ARHGAP20: variants seen among roughly 807,000 people sequenced by gnomAD.
ARHGAP20 encodes rho GTPase-activating protein 20.
Under a neutral mutation model 73.7 loss-of-function variants are expected in ARHGAP20, and 34 were observed. That is an observed-to-expected ratio of 0.46 (90% CI 0.35 to 0.61). ARHGAP20 has a LOEUF of 0.61. Ranked by LOEUF, ARHGAP20 falls within the 20% of genes least tolerant of loss-of-function variation. The pLI, the probability that ARHGAP20 is intolerant of heterozygous loss-of-function variation, is 0.00. For synonymous variants in ARHGAP20, 523 were observed against 518.2 expected, an observed-to-expected ratio of 1.01 and a Z score of -0.13; for missense variants, 1,314 against 1,420.9, an observed-to-expected ratio of 0.92 and a Z score of 1.21.
At chr11:110,682,587 C>T (rs1025566511) in intron 2 of ARHGAP20, among the ~76,000 whole-genome samples, 5 of 152,110 alleles carry the variant, frequency 3.3e-5, no homozygotes, top group Non-Finnish European at 5.9e-5. Context: ...TCAATTTCTG[C>T]TACTTAATGA....
At chr11:110,644,634 TA>T (rs1263345607) in intron 2 of ARHGAP20, among the ~76,000 whole-genome samples, 3 of 152,004 alleles carry the variant, frequency 2.0e-5, no homozygotes, top group Non-Finnish European at 4.4e-5. Flanking sequence ...TATCTCCCTA[TA>T]AAAAAATTAA....
chr11:110,681,870 T>C (rs894852318), intron 2 of ARHGAP20, among the ~76,000 whole-genome samples: 2 of 152,170 alleles, frequency 1.3e-5, no homozygotes. Flanking sequence ...CAATTCTATA[T>C]GTACCTAATC....
chr11:110,699,204 G>A (rs994428525), intron 1 of ARHGAP20, among the ~76,000 whole-genome samples: 1 of 151,802 alleles, frequency 6.6e-6, no homozygotes, highest in Non-Finnish European at 1.5e-5. Flanking sequence ...TTTCCATGTA[G>A]TGTGTGTTTA....
chr11:110,583,484 C>A, intron 13 of ARHGAP20, 64 bp downstream of exon 13: 2 of 1,363,208 alleles, frequency 1.5e-6, no homozygotes, highest in South Asian at 1.6e-5. Flanking sequence ...TTAGAATACC[C>A]CAAATTTCAG....
Position 110,611,319 on chromosome 11 carries a change from A to G in ARHGAP20, c.698T>C (p.Leu233Pro). 6.4e-7 allele frequency: 1 copy of G among 1,557,804 alleles called. No individual in the cohort carries two copies. The highest frequency in any genetic ancestry group is 2.3e-5 in the East Asian group (1 of 42,636). Residue 233 changes from leucine to proline, a missense_variant, in exon 7 of 15, where the codon CTA (leucine) becomes CCA (proline). Leu to Pro is a moderately conservative substitution (Grantham distance 98). Around this residue, in one of 3 missense-constraint regions of ARHGAP20, gnomAD observed 443 missense variants for 466.4 expected, o/e 0.95. Coordinates refer to ENST00000683387, the MANE Select transcript of ARHGAP20 (RefSeq NM_001384657.1). ...NEVINMSLPMLGITGSERDYQ... is the reference protein window; with the variant it reads ...NEVINMSLPMPGITGSERDYQ... ...AGCAGAATAACTTACAGTTATCCCTAGCATTGGTAATGACATGTTGATAAC... is the reference window on the plus strand; with the variant it reads ...AGCAGAATAACTTACAGTTATCCCTGGCATTGGTAATGACATGTTGATAAC...
intron 2 of ARHGAP20, among the ~76,000 whole-genome samples, chr11:110,658,921 T>G (rs1476825251): frequency 6.6e-6 from 1 of 152,180 alleles, no homozygotes; most frequent in Admixed American, 6.5e-5. Flanking sequence ...CCCTGGGCTA[T>G]CCCCTCCTCA....
At chr11:110,615,203 C>T (rs1948457214) in intron 5 of ARHGAP20, among the ~76,000 whole-genome samples, 1 of 152,008 alleles carries the variant, frequency 6.6e-6, no homozygotes, top group Non-Finnish European at 1.5e-5. Flanking sequence ...TAGCAGAAAA[C>T]CCTGCATTTA....
intron 6 of ARHGAP20, among the ~76,000 whole-genome samples, chr11:110,612,606 T>C (rs914489930): frequency 1.3e-5 from 2 of 152,118 alleles, no homozygotes; most frequent in African/African-American, 4.8e-5. Context: ...AATCAGCAAT[T>C]AGGGCTGTGT....
intron 4 of ARHGAP20, among the ~76,000 whole-genome samples, chr11:110,619,226 T>C (rs113002068): frequency 9.5e-5 from 1 of 10,498 alleles, no homozygotes; most frequent in African/African-American, 5.4e-4. Flanking sequence ...AGCATATATG[T>C]AGTGATAGAG....
chr11:110,636,503 G>A (rs568569649), intron 2 of ARHGAP20, among the ~76,000 whole-genome samples: 2 of 152,090 alleles, frequency 1.3e-5, no homozygotes, highest in African/African-American at 2.4e-5. Context: ...TTTCCTCCTC[G>A]TGATATTACT....
intron 2 of ARHGAP20, among the ~76,000 whole-genome samples, chr11:110,648,209 AAATATATATATG>A (rs1565457434): frequency 1.4e-5 from 1 of 69,052 alleles, no homozygotes; most frequent in Non-Finnish European, 2.5e-5. Flanking sequence ...ATATATATGT[AAATATATATATG>A]TATATATATA....
At chr11:110,706,028 A>G (rs1950547209) in intron 1 of ARHGAP20, among the ~76,000 whole-genome samples, 1 of 152,172 alleles carries the variant, frequency 6.6e-6, no homozygotes, top group South Asian at 2.1e-4. Flanking sequence ...CTATAAGTCA[A>G]TGTTTACCTA....
chr11:110,616,085 A>T (rs1013245456), intron 4 of ARHGAP20, among the ~76,000 whole-genome samples: 3 of 152,188 alleles, frequency 2.0e-5, no homozygotes, highest in African/African-American at 7.2e-5. Context: ...CACAGAGATT[A>T]AGAGAAATTT....
intron 2 of ARHGAP20, among the ~76,000 whole-genome samples, chr11:110,686,500 T>C (rs1392192818): frequency 6.6e-6 from 1 of 152,144 alleles, no homozygotes; most frequent in African/African-American, 2.4e-5. Context: ...TTTTCTTTTA[T>C]AACAAATATG....
intron 2 of ARHGAP20, among the ~76,000 whole-genome samples, chr11:110,634,726 C>T (rs1291407472): frequency 6.6e-6 from 1 of 151,958 alleles, no homozygotes; most frequent in Non-Finnish European, 1.5e-5. Flanking sequence ...ATATATGGGA[C>T]TAACTAAACA....
chr11:110,665,467 CA>C (rs1949705327), intron 2 of ARHGAP20, among the ~76,000 whole-genome samples: 1 of 151,864 alleles, frequency 6.6e-6, no homozygotes, highest in Admixed American at 6.6e-5. Flanking sequence ...AACAGAAACA[CA>C]GAACAATGAT....
At chr11:110,709,612 G>A (rs1950610413) in intron 1 of ARHGAP20, among the ~76,000 whole-genome samples, 1 of 152,174 alleles carries the variant, frequency 6.6e-6, no homozygotes, top group Non-Finnish European at 1.5e-5. Context: ...GGACTGCAAA[G>A]ACCTGGGGCT....
At position 110,580,459 on chromosome 11, in the gene ARHGAP20, T is replaced by A. The variant is rs773565682; in HGVS notation, c.2487A>T (p.Pro829=). 10 of 1,613,402 alleles carry A rather than the reference T, an allele frequency of 6.2e-6. No homozygotes were observed. The highest frequency in any genetic ancestry group is 1.7e-5 in the Admixed American group (1 of 59,932). The part of the protein sequence containing the change: ...PFDVNTSGYS[P]PHTADALKGP... ...CCTTGAGGGCATCTGCTGTGTGTGG[T>A]GGGGAGTATCCAGATGTATTCACAT... Residue 829 remains proline (P), a synonymous_variant, in exon 15 of 15, where the codon CCA becomes CCT. Transcript: ENST00000683387.
At chr11:110,637,777 C>G (rs149759645) in intron 2 of ARHGAP20, among the ~76,000 whole-genome samples, 10 of 152,132 alleles carry the variant, frequency 6.6e-5, no homozygotes, top group African/African-American at 2.4e-4. Flanking sequence ...ACAGGAGACC[C>G]TATCTGAGAC....
Sources: allele counts gnomAD v4.1 joint callset (sites outside exome capture counted in the v4.1 genomes callset), GRCh38; gene constraint gnomAD v4.1.1; regional missense constraint gnomAD v4.1.1; transcripts MANE v1.5; gene names NCBI Gene and HGNC (gene_info 2026-07-23, HGNC 2026-07-21).